Variants in ABCG5 observed in about 807,000 individuals in gnomAD.
The protein encoded by ABCG5 is ATP binding cassette subfamily G member 5.
A neutral mutation model predicts 64.5 loss-of-function variants in ABCG5; 64 were observed. The ratio of observed to expected loss-of-function variants is 0.99; its 90% confidence interval spans 0.81 to 1.22. The LOEUF (loss-of-function observed/expected upper bound fraction) is 1.22, where lower values mean the gene tolerates loss of function less well. ABCG5 is among the 50% of genes most tolerant of loss of function. ABCG5 has a pLI of 0.00. For missense variants in ABCG5, 908 were observed against 829.5 expected, an observed-to-expected ratio of 1.09 and a Z score of -1.16; for synonymous variants, 385 against 326.3, an observed-to-expected ratio of 1.18 and a Z score of -1.94.
intron 10 of ABCG5, among the ~76,000 whole-genome samples, chr2:43,822,082 T>C (rs1262586797): frequency 6.6e-6 from 1 of 152,196 alleles, no homozygotes; most frequent in African/African-American, 2.4e-5. Flanking sequence ...AATAACCATT[T>C]TTTGAACTTG....
chr2:43,813,662 A>AT (rs1261583927), intron 12 of ABCG5, among the ~76,000 whole-genome samples: 11 of 41,396 alleles, frequency 2.7e-4, no homozygotes, highest in African/African-American at 4.8e-4. Context: ...TGGCCCTGAG[A>AT]TTTTTTTGGT....
intron 2 of ABCG5, among the ~76,000 whole-genome samples, chr2:43,836,189 C>G (rs1016069871): frequency 6.6e-6 from 1 of 152,108 alleles, no homozygotes; most frequent in Non-Finnish European, 1.5e-5. Context: ...GATCCGCCCG[C>G]CTCTGCCTCC....
intron 2 of ABCG5, among the ~76,000 whole-genome samples, chr2:43,835,943 TC>T (rs1241508723): frequency 6.6e-6 from 1 of 150,492 alleles, no homozygotes; most frequent in Admixed American, 6.6e-5. Context: ...GAATTCCTCT[TC>T]TTTTTTTTTT....
rs1341437135 is a variant in ABCG5 at position 43,828,086 on chromosome 2, C to T, written c.531G>A (p.Leu177=). The T allele has an allele frequency of 1.9e-6, 3 of 1,613,968 alleles. No homozygotes were observed. The highest frequency in any genetic ancestry group is 2.5e-6 in the Non-Finnish European group (3 of 1,180,044). The change falls in exon 5 of 13, where the codon CTG becomes CTA. Residue 177 remains leucine (L), a synonymous_variant. Transcript: ENST00000405322. Reference sequence around the variant, plus strand: ...CAATCAGTCGGTCTGCCACATGGCTCAGACTCAGCTCTGCCATGACGGCCT... The same window carrying T: ...CAATCAGTCGGTCTGCCACATGGCTTAGACTCAGCTCTGCCATGACGGCCT... ...KVEAVMAELS[L]SHVADRLIGN...
chr2:43,837,146 G>T (rs1668327787), intron 2 of ABCG5, among the ~76,000 whole-genome samples: 1 of 146,466 alleles, frequency 6.8e-6, no homozygotes. Context: ...TTGAGACAGG[G>T]TCTTGCTCTG....
At chr2:43,821,732 A>G (rs978000931) in intron 10 of ABCG5, among the ~76,000 whole-genome samples, 1 of 152,190 alleles carries the variant, frequency 6.6e-6, no homozygotes, top group Non-Finnish European at 1.5e-5. Context: ...AGCATGTCCC[A>G]TGATGACTGA....
At chr2:43,807,477 G>A (rs1049989123), downstream of ABCG5, among the ~76,000 whole-genome samples, 5 of 151,796 alleles carry the variant, frequency 3.3e-5, no homozygotes, top group African/African-American at 1.2e-4. Flanking sequence ...TCTTGCTCTG[G>A]CATCCAGGCT....
Position 43,824,018 on chromosome 2 carries a change from C to T in ABCG5, c.1219G>A (p.Val407Ile). 1 of 1,614,192 alleles carries T rather than the reference C, an allele frequency of 6.2e-7. No individual in the cohort carries two copies. The highest frequency in any genetic ancestry group is 1.3e-5 in the African/African-American group (1 of 75,050). ...GCACCCTTTAGCACATTGCTTCGGA[C>T]CCGCAGAACGAAGAAAAGGAGGAAC... ...GLFLLFFVLR[V>I]RSNVLKGAIQ... Residue 407 changes from valine (V) to isoleucine (I), a missense_variant, in exon 9 of 13, where the codon GTC (valine) becomes ATC (isoleucine). Val to Ile is a conservative substitution (Grantham distance 29). Coordinates refer to ENST00000405322, the MANE Select transcript of ABCG5 (RefSeq NM_022436.3).
chr2:43,812,136 T>G (rs1329861952), downstream of ABCG5, among the ~76,000 whole-genome samples: 1 of 152,008 alleles, frequency 6.6e-6, no homozygotes, highest in Admixed American at 6.6e-5. Flanking sequence ...CTGCAGCCCC[T>G]GCCTCCTAGG....
At position 43,826,421 on chromosome 2, in the gene ABCG5, C is replaced by G. The variant is rs1419427897; in HGVS notation, c.735G>C (p.Val245=). 2 of 1,613,912 alleles carry G rather than the reference C, an allele frequency of 1.2e-6. No individual in the cohort carries two copies. The highest frequency in any genetic ancestry group is 1.7e-6 in the Non-Finnish European group (2 of 1,180,034). The change falls in exon 6 of 13, where the codon GTG becomes GTC. Residue 245 remains valine (V), a synonymous_variant. Transcript: ENST00000405322. ...AACGGGGCTGGTGAATGGTGAGAAC[C>G]ACAATTCGGTTCCTGCGAGCCAGTT... The part of the protein sequence containing the change: ...LVELARRNRI[V]VLTIHQPRSE...
intron 12 of ABCG5, among the ~76,000 whole-genome samples, chr2:43,813,750 C>T (rs1177280217): frequency 9.9e-6 from 1 of 101,158 alleles, no homozygotes; most frequent in Non-Finnish European, 1.8e-5. Context: ...CACAGTTTCA[C>T]TCTGCCGCCC....
chr2:43,819,968 A>T lies in ABCG5; in HGVS notation c.1596T>A (p.Ser532Arg). ...GIVQNPNIVNSVVALLSIAGV... is the reference protein window; with the variant it reads ...GIVQNPNIVNRVVALLSIAGV... ...CCGCAATGGACAGCAGAGCCACTAC[A>T]CTGTTGACTATATTTGGATTTTGGA... Residue 532 changes from serine to arginine, a missense_variant, in exon 11 of 13, where the codon AGT becomes AGA. Physicochemically the swap from Ser to Arg is moderately radical, Grantham distance 110. Coordinates refer to ENST00000405322, the MANE Select transcript of ABCG5 (RefSeq NM_022436.3). 6.2e-7 allele frequency: 1 copy of T among 1,614,170 alleles called. No individual in the cohort carries two copies.
At position 43,837,910 on chromosome 2, in the gene ABCG5, C is replaced by G; in HGVS notation, c.189G>C (p.Gln63His). ...PWWDITSCRQ[Q>H]WTRQILKDVS... ...CATCTTTGAGGATCTGCCTGGTCCACTGCTGCCGGCAAGATGTGATGTCCC... is the reference window on the plus strand; with the variant it reads ...CATCTTTGAGGATCTGCCTGGTCCAGTGCTGCCGGCAAGATGTGATGTCCC... The change falls in exon 2 of 13, where the codon CAG becomes CAC. Residue 63 changes from glutamine to histidine, a missense_variant. Gln to His is a conservative substitution (Grantham distance 24). Transcript: ENST00000405322. 1 of 1,614,148 alleles carries G rather than the reference C, an allele frequency of 6.2e-7. No individual in the cohort carries two copies. Among genetic ancestry groups the G allele is most frequent in the Non-Finnish European group, 8.5e-7 (1 of 1,180,010 alleles).
chr2:43,809,601 T>A (rs537879519), downstream of ABCG5: 1 of 738,248 alleles, frequency 1.4e-6, no homozygotes, highest in East Asian at 2.7e-5. Flanking sequence ...ATAATGCTAC[T>A]AAGGATTCAT....
At chr2:43,831,695 A>T in intron 4 of ABCG5, 74 bp downstream of exon 4, 1 of 1,394,664 alleles carries the variant, frequency 7.2e-7, no homozygotes, top group Non-Finnish European at 9.8e-7. Context: ...GGGCAAGCGT[A>T]GGCGAAGAGA....
chr2:43,821,879 CCT>C (rs1653420830), intron 10 of ABCG5, among the ~76,000 whole-genome samples: 2 of 151,856 alleles, frequency 1.3e-5, no homozygotes, highest in South Asian at 2.1e-4. Context: ...TCTCTCTCCC[CCT>C]CTCTTCCCGC....
At chr2:43,813,721 T>TG (rs1666631303) in intron 12 of ABCG5, among the ~76,000 whole-genome samples, 1 of 128,314 alleles carries the variant, frequency 7.8e-6, no homozygotes, top group Non-Finnish European at 1.6e-5. Context: ...TTTTTTTTTT[T>TG]TTTTTTTTTT....
rs774627717 is a variant in ABCG5 at position 43,838,709 on chromosome 2, T to A, written c.-30A>T. 2 of 1,611,480 alleles carry A rather than the reference T, an allele frequency of 1.2e-6. No homozygotes were observed. The highest frequency in any genetic ancestry group is 4.5e-5 in the East Asian group (2 of 44,738). On this transcript the variant is annotated 5_prime_UTR_variant, in exon 1 of 13. Transcript: ENST00000405322. The surrounding 1 kb of genome is among the most constrained non-coding windows in gnomAD (Gnocchi z 4.2). Reference sequence around the variant, plus strand: ...AACAGGCAGCAAAGCTGGGCAAATTTTCTGGTGGCCGGACCCTCCCCAGAG... The same window carrying A: ...AACAGGCAGCAAAGCTGGGCAAATTATCTGGTGGCCGGACCCTCCCCAGAG...
chr2:43,817,346 G>C (rs558840133), intron 11 of ABCG5, among the ~76,000 whole-genome samples: 1 of 151,998 alleles, frequency 6.6e-6, no homozygotes, highest in Non-Finnish European at 1.5e-5. Flanking sequence ...TTAGCTGGGC[G>C]TGGTGGTGCG....
Sources: allele counts gnomAD v4.1 joint callset (sites outside exome capture counted in the v4.1 genomes callset), GRCh38; gene constraint gnomAD v4.1.1; non-coding constraint Gnocchi (gnomAD v3.1); transcripts MANE v1.5; gene names NCBI Gene and HGNC (gene_info 2026-07-23, HGNC 2026-07-21).